TXNL1: variants seen among roughly 807,000 people sequenced by gnomAD.
TXNL1 encodes thioredoxin-like protein 1.
Under a neutral mutation model 35.5 loss-of-function variants are expected in TXNL1, and 14 were observed. The ratio of observed to expected loss-of-function variants is 0.39; its 90% CI spans 0.26 to 0.62. TXNL1 has a LOEUF of 0.62. Ranked by LOEUF, TXNL1 falls within the 20% of genes least tolerant of loss-of-function variation. The pLI is 0.47. For missense variants in TXNL1, 263 were observed against 349.7 expected, an observed-to-expected ratio of 0.75 and a Z score of 1.98; for synonymous variants, 110 against 115.5, an observed-to-expected ratio of 0.95 and a Z score of 0.31.
rs967434840 is a variant in TXNL1 at position 56,626,563 on chromosome 18, ACT to A, written c.99-108_99-107del. 39 of 1,010,684 alleles carry A rather than the reference ACT, an allele frequency of 3.9e-5. No homozygotes were observed. The Admixed American group carries it at 4.9e-4, about 13-fold the overall frequency. The allele number at this position is 1,010,684 out of a possible 1,614,324, so 62.6% of individuals were successfully genotyped here. A position where few individuals can be genotyped will look rare whatever the true frequency, so the allele number is the denominator to read the frequency against. On this transcript the variant is annotated intron_variant, in intron 1 of 7. Coordinates refer to ENST00000217515, the MANE Select transcript of TXNL1 (RefSeq NM_004786.3). ...CAAACACTGATACTGCTGGCTTTTGACTCTCTGTTTTTTTTGTTTTGTTTTGT... is the reference window on the plus strand; with the variant it reads ...CAAACACTGATACTGCTGGCTTTTGACTCTGTTTTTTTTGTTTTGTTTTGT...
At chr18:56,633,639 A>C (rs2024411291) in intron 1 of TXNL1, among the ~76,000 whole-genome samples, 2 of 142,810 alleles carry the variant, frequency 1.4e-5, no homozygotes, top group East Asian at 4.0e-4. Context: ...AAAAAAAAAA[A>C]ATCAGTGCAT....
intron 6 of TXNL1, among the ~76,000 whole-genome samples, chr18:56,613,977 G>C (rs971325732): frequency 3.3e-5 from 5 of 151,592 alleles, no homozygotes; most frequent in Non-Finnish European, 7.4e-5. Context: ...AGTCAGCCCG[G>C]GCAACACAGC....
intron 3 of TXNL1, among the ~76,000 whole-genome samples, chr18:56,623,365 T>A (rs1046761449): frequency 6.6e-6 from 1 of 151,302 alleles, no homozygotes; most frequent in African/African-American, 2.4e-5. Flanking sequence ...GAGGTGGAGG[T>A]TGCAGTGAGC....
intron 1 of TXNL1, among the ~76,000 whole-genome samples, chr18:56,637,457 AAC>A (rs1049242450): frequency 2.0e-5 from 3 of 152,164 alleles, no homozygotes; most frequent in Admixed American, 6.5e-5. Flanking sequence ...AGATCTGTGA[AAC>A]ACACACACAC....
At chr18:56,631,807 C>CTACT (rs2024376117) in intron 1 of TXNL1, among the ~76,000 whole-genome samples, 1 of 151,714 alleles carries the variant, frequency 6.6e-6, no homozygotes, top group African/African-American at 2.4e-5. Flanking sequence ...GTAATCTCAG[C>CTACT]TACTTGGGAG....
intron 1 of TXNL1, 47 bp from the exon 2 acceptor site, chr18:56,626,504 T>G (rs1480679389): frequency 1.4e-6 from 2 of 1,461,276 alleles, no homozygotes; most frequent in Admixed American, 2.0e-5. Flanking sequence ...AGATTGTAAT[T>G]CTAAAGCACT....
chr18:56,620,621 C>T (rs1341151258), intron 3 of TXNL1, among the ~76,000 whole-genome samples: 5 of 152,048 alleles, frequency 3.3e-5, no homozygotes, highest in Non-Finnish European at 7.4e-5. Flanking sequence ...GTGTATTTTT[C>T]TAGAAAAGTA....
chr18:56,616,551 A>G (rs2024090085), intron 4 of TXNL1, among the ~76,000 whole-genome samples: 1 of 152,222 alleles, frequency 6.6e-6, no homozygotes, highest in Non-Finnish European at 1.5e-5. Context: ...TCAAGTAAAT[A>G]CTAAAACTAT....
intron 3 of TXNL1, among the ~76,000 whole-genome samples, chr18:56,619,351 A>T (rs140501809): frequency 0.022 from 3,407 of 151,818 alleles, 129 homozygotes; most frequent in African/African-American, 0.078. Context: ...CAGCTTGTCC[A>T]ACATGGTGAA....
chr18:56,603,234 A>G (rs1489320218), intron 7 of TXNL1, among the ~76,000 whole-genome samples, 178 bp from the exon 8 acceptor site: 1 of 151,820 alleles, frequency 6.6e-6, no homozygotes, highest in Non-Finnish European at 1.5e-5. Flanking sequence ...TCCCAGCCAC[A>G]AGGAATTAAA....
At chr18:56,622,589 A>G (rs1157234471) in intron 3 of TXNL1, among the ~76,000 whole-genome samples, 28 of 152,220 alleles carry the variant, frequency 1.8e-4, no homozygotes, top group Non-Finnish European at 8.8e-5. Context: ...TATTTTATCC[A>G]TAACATTTGC....
intron 2 of TXNL1, 83 bp downstream of exon 2, chr18:56,626,278 A>C: frequency 6.5e-7 from 1 of 1,541,296 alleles, no homozygotes; most frequent in Non-Finnish European, 8.7e-7. Flanking sequence ...TATGTGCATC[A>C]AGAGATAAAT....
At chr18:56,607,161 TTGTGTG>T (rs112495608) in intron 7 of TXNL1, among the ~76,000 whole-genome samples, 43 of 137,614 alleles carry the variant, frequency 3.1e-4, no homozygotes, top group Middle Eastern at 3.7e-3. Context: ...CTGGGTAATT[TTGTGTG>T]TGTGTGTGTG....
intron 5 of TXNL1, among the ~76,000 whole-genome samples, chr18:56,615,491 A>G (rs1303677555): frequency 6.6e-6 from 1 of 151,834 alleles, no homozygotes; most frequent in Admixed American, 6.6e-5. Context: ...AAAAAAGGAA[A>G]ATTCTTTATT....
intron 3 of TXNL1, among the ~76,000 whole-genome samples, chr18:56,622,028 A>T (rs928472246): frequency 4.0e-5 from 6 of 151,608 alleles, no homozygotes; most frequent in African/African-American, 1.4e-4. Context: ...AAAAAAAAAA[A>T]AATTAATTAA....
intron 3 of TXNL1, among the ~76,000 whole-genome samples, chr18:56,622,035 T>G (rs1021962629): frequency 2.0e-5 from 3 of 149,406 alleles, no homozygotes; most frequent in Admixed American, 6.6e-5. Context: ...AAAAAATTAA[T>G]TAAATAAAAC....
intron 7 of TXNL1, chr18:56,609,691 T>C (rs1053569949): frequency 7.2e-5 from 11 of 152,170 alleles, no homozygotes; most frequent in African/African-American, 2.7e-4. Flanking sequence ...TTCAAAAAGG[T>C]AAAGCAGGCA....
intron 6 of TXNL1, among the ~76,000 whole-genome samples, chr18:56,613,483 T>C (rs188653755): frequency 6.6e-6 from 1 of 152,286 alleles, no homozygotes; most frequent in Non-Finnish European, 1.5e-5. Context: ...TAATGACATC[T>C]AAAATACATC....
chr18:56,634,551 C>A (rs2024426986), intron 1 of TXNL1, among the ~76,000 whole-genome samples: 1 of 152,136 alleles, frequency 6.6e-6, no homozygotes, highest in Non-Finnish European at 1.5e-5. Context: ...GGGTGCTGAT[C>A]ATTCAATGAG....
Sources: allele counts gnomAD v4.1 joint callset (sites outside exome capture counted in the v4.1 genomes callset), GRCh38; gene constraint gnomAD v4.1.1; transcripts MANE v1.5; gene names NCBI Gene and HGNC (gene_info 2026-07-23, HGNC 2026-07-21).